EDC3: variants seen among roughly 807,000 people sequenced by gnomAD.
EDC3 encodes the protein enhancer of mRNA-decapping protein 3.
A neutral mutation model predicts 41.8 loss-of-function variants in EDC3; 20 were observed. That is an observed-to-expected ratio of 0.48 (90% CI 0.34 to 0.70). The LOEUF is 0.70. Among genes scored for constraint, EDC3 ranks in the 30% least tolerant of loss-of-function variants. The pLI is 0.01. For synonymous variants in EDC3, 206 were observed against 243.2 expected (o/e 0.85, Z 1.42); for missense variants, 444 against 636.8 (o/e 0.70, Z 3.26).
In EDC3 at chr15:74,652,152, A is replaced by G. The variant is rs183059013; in HGVS notation, c.820+3581T>C. Among the ~76,000 whole-genome samples, 156 of 152,322 alleles carry G rather than the reference A, an allele frequency of 1.0e-3. 1 individual carries two copies. Among genetic ancestry groups the G allele is most frequent in the Non-Finnish European group, 1.7e-3 (113 of 68,040 alleles). ...CACATCATCCTAGAATCAAAAAATG[A>G]TAAGTCTAACCATTGTAAGTTGGAG... is the stretch of plus-strand genomic sequence containing the variant. On this transcript the variant is annotated intron_variant, in intron 4 of 6. Transcript: ENST00000315127.
chr15:74,637,463 G>A (rs182929338), intron 5 of EDC3: 10 of 152,346 alleles, frequency 6.6e-5, no homozygotes, highest in African/African-American at 2.4e-4. Flanking sequence ...CTCTTTCAGA[G>A]GGCACCTCAC....
At chr15:74,640,026 G>C (rs867166973) in intron 5 of EDC3, 2 of 170,106 alleles carry the variant, frequency 1.2e-5, no homozygotes, top group Middle Eastern at 2.7e-3. Flanking sequence ...TGATATATGA[G>C]CATAAGGGGC....
At chr15:74,653,797 AGT>A (rs1596311374) in intron 4 of EDC3, among the ~76,000 whole-genome samples, 1 of 152,152 alleles carries the variant, frequency 6.6e-6, no homozygotes, top group Non-Finnish European at 1.5e-5. Context: ...GGGGAGCCAG[AGT>A]GTGTAGCAGA....
intron 1 of EDC3, among the ~76,000 whole-genome samples, chr15:74,679,290 A>G (rs1415681404): frequency 6.6e-6 from 1 of 152,220 alleles, no homozygotes; most frequent in Admixed American, 6.5e-5. Context: ...CAAAGGCTTT[A>G]TAAGAAAAAG....
chr15:74,660,051 A>G (rs755697360), intron 3 of EDC3, among the ~76,000 whole-genome samples: 1 of 151,274 alleles, frequency 6.6e-6, no homozygotes, highest in Admixed American at 6.6e-5. Context: ...CTCAAAAGAA[A>G]AAAAAATAAA....
chr15:74,674,024 G>C (rs1213190434), intron 2 of EDC3, among the ~76,000 whole-genome samples: 1 of 152,106 alleles, frequency 6.6e-6, no homozygotes, highest in African/African-American at 2.4e-5. Context: ...GGAATATGTG[G>C]AATACATGCA....
intron 4 of EDC3, among the ~76,000 whole-genome samples, chr15:74,654,301 C>G (rs1449079206): frequency 6.6e-6 from 1 of 150,922 alleles, no homozygotes; most frequent in African/African-American, 2.4e-5. Flanking sequence ...CCAGGGAAAT[C>G]ACACGCTGCA....
chr15:74,652,654 T>C (rs1433633446), intron 4 of EDC3, among the ~76,000 whole-genome samples: 8 of 151,886 alleles, frequency 5.3e-5, no homozygotes, highest in African/African-American at 1.9e-4. Context: ...TGACTTTGGC[T>C]CATTGCAGCC....
intron 1 of EDC3, among the ~76,000 whole-genome samples, chr15:74,677,298 T>C (rs1008574083): frequency 6.6e-6 from 1 of 151,182 alleles, no homozygotes; most frequent in Non-Finnish European, 1.5e-5. Context: ...CCTGACCTCA[T>C]GATCCACCCG....
chr15:74,650,614 G>T (rs948883774), intron 4 of EDC3, among the ~76,000 whole-genome samples: 70 of 152,210 alleles, frequency 4.6e-4, no homozygotes, highest in Non-Finnish European at 3.5e-4. Flanking sequence ...TAAAGGCAAG[G>T]ACTATCTTAG....
intron 1 of EDC3, among the ~76,000 whole-genome samples, chr15:74,685,776 C>A (rs1228703022): frequency 2.0e-5 from 3 of 152,024 alleles, no homozygotes; most frequent in Admixed American, 1.3e-4. Context: ...ATGTTAAGCA[C>A]AAAGTGAAAC....
intron 5 of EDC3, 150 bp from the exon 6 acceptor site, chr15:74,635,776 T>C (rs938477874): frequency 1.4e-6 from 1 of 708,220 alleles, no homozygotes; most frequent in Non-Finnish European, 2.3e-6. Context: ...CAAAATCCAC[T>C]GCAGGCCAGG....
At chr15:74,682,966 G>A (rs918468757) in intron 1 of EDC3, among the ~76,000 whole-genome samples, 9 of 152,074 alleles carry the variant, frequency 5.9e-5, no homozygotes, top group Admixed American at 1.3e-4. Flanking sequence ...AGGTTGTGGT[G>A]AGCCCAGATC....
chr15:74,656,348 T>G (rs566701524), intron 3 of EDC3, among the ~76,000 whole-genome samples: 8 of 150,880 alleles, frequency 5.3e-5, no homozygotes, highest in Admixed American at 4.6e-4. Context: ...AAGGCTGCAG[T>G]GAGTGATGAT....
intron 1 of EDC3, among the ~76,000 whole-genome samples, chr15:74,684,092 T>C (rs1284440305): frequency 6.7e-6 from 1 of 149,032 alleles, no homozygotes; most frequent in African/African-American, 2.5e-5. Context: ...CTGTTTTTTT[T>C]TTTTTTTTTT....
chr15:74,662,999 GA>G (rs2062637512), intron 3 of EDC3, among the ~76,000 whole-genome samples: 1 of 152,166 alleles, frequency 6.6e-6, no homozygotes, highest in Non-Finnish European at 1.5e-5. Flanking sequence ...TGAAAAGCAT[GA>G]GCTGGCCTGG....
At chr15:74,661,297 C>T (rs1420133594) in intron 3 of EDC3, among the ~76,000 whole-genome samples, 1 of 152,116 alleles carries the variant, frequency 6.6e-6, no homozygotes, top group Non-Finnish European at 1.5e-5. Context: ...GAAGGTCATT[C>T]CAAACATGAA....
At chr15:74,633,715 A>C (rs2062239186) in intron 6 of EDC3, among the ~76,000 whole-genome samples, 2 of 152,196 alleles carry the variant, frequency 1.3e-5, no homozygotes, top group South Asian at 4.1e-4. Flanking sequence ...TGTGTCCTGG[A>C]GCAGCTGGGA....
intron 6 of EDC3, chr15:74,635,073 A>C: frequency 1.9e-6 from 1 of 515,062 alleles, no homozygotes; most frequent in South Asian, 1.5e-5. Flanking sequence ...AGTATGTTAC[A>C]TGTCTTTTTG....
Sources: allele counts gnomAD v4.1 joint callset (sites outside exome capture counted in the v4.1 genomes callset), GRCh38; gene constraint gnomAD v4.1.1; transcripts MANE v1.5; gene names NCBI Gene and HGNC (gene_info 2026-07-23, HGNC 2026-07-21).